ARHGAP27: variants seen among roughly 807,000 people sequenced by gnomAD.
The protein encoded by ARHGAP27 is Rho GTPase activating protein 27.
A neutral mutation model predicts 102.0 loss-of-function variants in ARHGAP27; 53 were observed. That is an observed-to-expected ratio of 0.52 (90% CI 0.42 to 0.65). The LOEUF (loss-of-function observed/expected upper bound fraction) is 0.65, where lower values mean the gene tolerates loss of function less well. Ranked by LOEUF, ARHGAP27 falls within the 30% of genes least tolerant of loss-of-function variation. The probability of loss-of-function intolerance (pLI) is 0.00; values close to 1 mark genes in which losing one functional copy is unlikely to be tolerated. For synonymous variants in ARHGAP27, 525 were observed against 542.8 expected (o/e 0.97, Z 0.46); for missense variants, 1,117 against 1,256.2 (o/e 0.89, Z 1.68).
intron 12 of ARHGAP27, among the ~76,000 whole-genome samples, chr17:45,399,610 G>T (rs1324890848): frequency 3.4e-5 from 5 of 148,768 alleles, no homozygotes; most frequent in African/African-American, 1.2e-4. Flanking sequence ...GAAAAGAAAA[G>T]AAAAGAAAAG....
Position 45,428,000 on chromosome 17 carries a change from TACAGA to T in ARHGAP27, c.657+1618_657+1622del, listed in dbSNP as rs535553034. 8.5e-5 allele frequency among the ~76,000 whole-genome samples: 13 copies of T among 152,290 alleles called. No homozygotes were observed. The East Asian group carries it at 2.3e-3, about 27-fold the overall frequency. On this transcript the variant is annotated intron_variant, in intron 4 of 19. Coordinates refer to ENST00000685559, the MANE Select transcript of ARHGAP27 (RefSeq NM_001282290.2). The surrounding 1 kb of genome is among the most constrained non-coding windows in gnomAD (Gnocchi z 4.5). ...CCTGGGGTGTTGGCCCTTGCAGACC[TACAGA>T]GCCCTGGCTCATAGGTAAAGGGCTG... is the stretch of plus-strand genomic sequence containing the variant.
chr17:45,407,070 C>T (rs1038844584), intron 4 of ARHGAP27, among the ~76,000 whole-genome samples: 1 of 152,184 alleles, frequency 6.6e-6, no homozygotes, highest in Non-Finnish European at 1.5e-5. Flanking sequence ...CTGATTCACA[C>T]CTCAGAGCTC....
At chr17:45,424,734 C>T (rs1173651212) in intron 4 of ARHGAP27, among the ~76,000 whole-genome samples, 1 of 151,894 alleles carries the variant, frequency 6.6e-6, no homozygotes, top group African/African-American at 2.4e-5. Context: ...AGTCGGGTGA[C>T]GGGTGCACCA....
At position 45,427,886 on chromosome 17, in the gene ARHGAP27, C is replaced by T. The variant is rs2049768665; in HGVS notation, c.657+1737G>A. Among the ~76,000 whole-genome samples, 1 of 152,178 alleles carries T rather than the reference C, an allele frequency of 6.6e-6. No homozygotes were observed. Among genetic ancestry groups the T allele is most frequent in the Non-Finnish European group, 1.5e-5 (1 of 68,014 alleles). ...CTGGAGGAAGGATGGGCAGAGGGGC[C>T]ACCTGGCAGGCGCCCTGGCAGCCGG... On this transcript the variant is annotated intron_variant, in intron 4 of 19. Coordinates refer to ENST00000685559, the MANE Select transcript of ARHGAP27 (RefSeq NM_001282290.2). The surrounding 1 kb of genome is among the most constrained non-coding windows in gnomAD (Gnocchi z 4.5).
At chr17:45,397,341 G>A (rs2045879982) in intron 13 of ARHGAP27, 2 of 1,237,062 alleles carry the variant, frequency 1.6e-6, no homozygotes, top group Non-Finnish European at 2.0e-6. Context: ...AACTGGGTCA[G>A]CATTCCTCAA....
At chr17:45,409,880 C>T (rs540487551) in intron 4 of ARHGAP27, 2 of 265,266 alleles carry the variant, frequency 7.5e-6, no homozygotes, top group East Asian at 1.7e-4. Context: ...ATCAATGGCT[C>T]TTGGGTCGCA....
chr17:45,396,819 A>T (rs1413076247), intron 14 of ARHGAP27, 29 bp from the exon 15 acceptor site: 1 of 1,608,078 alleles, frequency 6.2e-7, no homozygotes, highest in Admixed American at 1.7e-5. Flanking sequence ...GGACTGAGTC[A>T]GGAGGCAGCG....
intron 4 of ARHGAP27, among the ~76,000 whole-genome samples, chr17:45,428,535 CG>C (rs1438129928): frequency 1.3e-5 from 2 of 152,198 alleles, no homozygotes; most frequent in Non-Finnish European, 2.9e-5. Flanking sequence ...TGTAACGAGT[CG>C]GGCGGAGGGA....
chr17:45,401,903 G>A (rs1230127118), intron 12 of ARHGAP27, among the ~76,000 whole-genome samples: 1 of 152,112 alleles, frequency 6.6e-6, no homozygotes, highest in African/African-American at 2.4e-5. Context: ...TCTCTTACTT[G>A]TTTTTCATGG....
chr17:45,423,036 C>T (rs534618224), intron 4 of ARHGAP27, among the ~76,000 whole-genome samples: 4 of 152,140 alleles, frequency 2.6e-5, no homozygotes, highest in East Asian at 3.9e-4. Context: ...CAAAAATTAG[C>T]CCGGTGTGGT....
chr17:45,396,204 C>A lies in ARHGAP27; in HGVS notation c.2251+3G>T. 6.2e-7 allele frequency: 1 copy of A among 1,608,518 alleles called. No individual in the cohort carries two copies. Among genetic ancestry groups the A allele is most frequent in the South Asian group, 1.1e-5 (1 of 90,418 alleles). ...TGGGGCAGGGGTTGGGGACGGGCCT[C>A]ACCGTGGTCCACCTTATAGCGTAGC... On this transcript the variant is annotated splice_donor_region_variant and intron_variant, in intron 17 of 19. Coordinates refer to ENST00000685559, the MANE Select transcript of ARHGAP27 (RefSeq NM_001282290.2).
chr17:45,412,962 C>CTTTTTT (rs36233058), intron 4 of ARHGAP27, among the ~76,000 whole-genome samples: 2 of 41,144 alleles, frequency 4.9e-5, no homozygotes, highest in Admixed American at 3.5e-4. Flanking sequence ...TCAGTATAAT[C>CTTTTTT]TTTTTTTTTT....
intron 4 of ARHGAP27, 67 bp downstream of exon 4, chr17:45,429,556 C>G: frequency 6.4e-7 from 1 of 1,565,742 alleles, no homozygotes; most frequent in Non-Finnish European, 8.6e-7. Flanking sequence ...TCCTTGCGCC[C>G]CGGCTCCGTG....
intron 4 of ARHGAP27, chr17:45,407,823 T>C (rs1347986672): frequency 1.3e-5 from 2 of 152,218 alleles, no homozygotes; most frequent in Non-Finnish European, 2.9e-5. Context: ...CAATTACTAC[T>C]ATTTTCTAAG....
At chr17:45,416,284 G>A (rs2048445856) in intron 4 of ARHGAP27, among the ~76,000 whole-genome samples, 4 of 151,588 alleles carry the variant, frequency 2.6e-5, no homozygotes, top group Non-Finnish European at 5.9e-5. Context: ...TCAATCTCCT[G>A]ACCTCGTGAT....
chr17:45,425,815 G>C (rs1411103359), intron 4 of ARHGAP27, among the ~76,000 whole-genome samples: 1 of 152,238 alleles, frequency 6.6e-6, no homozygotes, highest in Non-Finnish European at 1.5e-5. Flanking sequence ...CAAGGGAAGA[G>C]TCTCAGAGGC....
chr17:45,418,271 TAAAA>T (rs66460873), intron 4 of ARHGAP27, among the ~76,000 whole-genome samples: 2 of 100,158 alleles, frequency 2.0e-5, no homozygotes, highest in African/African-American at 4.1e-5. Context: ...TAATAAAAAG[TAAAA>T]AAAAAAAAAA....
rs1365973399 is a variant in ARHGAP27 at position 45,429,963 on chromosome 17, G to A, written c.317C>T (p.Pro106Leu). 1.2e-5 allele frequency: 14 copies of A among 1,138,324 alleles called. No homozygotes were observed. Among genetic ancestry groups the A allele is most frequent in the South Asian group, 7.7e-5 (2 of 26,100 alleles). 70.5% of individuals were successfully genotyped at this position (1,138,324 alleles called of 1,614,324 possible). ...RFVSAAATAG[P>L]DGAPEESGGR... ...TCCGGACTCCTCGGGGGCGCCGTCG[G>A]GGCCCGCGGTCGCCGCCGCGCTCAC... The change falls in exon 4 of 20, where the codon CCC becomes CTC. Residue 106 changes from proline to leucine, a missense_variant. Coordinates refer to ENST00000685559, the MANE Select transcript of ARHGAP27 (RefSeq NM_001282290.2).
In ARHGAP27 at chr17:45,396,784, GGCGCGGCT is replaced by G; in HGVS notation, c.1952-2_1957del. 1.2e-6 allele frequency: 2 copies of G among 1,611,306 alleles called. No individual in the cohort carries two copies. The highest frequency in any genetic ancestry group is 1.7e-6 in the Non-Finnish European group (2 of 1,178,706). ...CTCCAGGCCCACGGGGCCCAGGGCG[GGCGCGGCT>G]GCCGCGGGGAAAGGCAGGACTGAGT... On this transcript the variant is annotated splice_acceptor_variant and coding_sequence_variant, in exon 15 of 20. Transcript: ENST00000685559. LOFTEE classifies it high-confidence loss of function.
Sources: allele counts gnomAD v4.1 joint callset (sites outside exome capture counted in the v4.1 genomes callset), GRCh38; gene constraint gnomAD v4.1.1; non-coding constraint Gnocchi (gnomAD v3.1); transcripts MANE v1.5; gene names NCBI Gene and HGNC (gene_info 2026-07-23, HGNC 2026-07-21).